TOM1L1: variants seen among roughly 807,000 people sequenced by gnomAD.
The protein encoded by TOM1L1 is TOM1-like protein 1.
A neutral mutation model predicts 63.4 loss-of-function variants in TOM1L1; 64 were observed. That is an observed-to-expected ratio of 1.01 (90% CI 0.83 to 1.24). The LOEUF is 1.24. Ranked by LOEUF, TOM1L1 falls within the 50% of genes most tolerant of loss-of-function variation. TOM1L1 has a pLI of 0.00. For synonymous variants in TOM1L1, 166 were observed against 194.4 expected (o/e 0.85, Z 1.22); for missense variants, 536 against 567.0 (o/e 0.95, Z 0.55).
chr17:54,945,484 T>C (rs993696290), intron 11 of TOM1L1, among the ~76,000 whole-genome samples: 1 of 152,222 alleles, frequency 6.6e-6, no homozygotes, highest in Non-Finnish European at 1.5e-5. Context: ...GCTCTCCTGC[T>C]GGAACCCTGA....
At chr17:54,960,032 G>A (rs2077074222) in intron 14 of TOM1L1, among the ~76,000 whole-genome samples, 1 of 152,018 alleles carries the variant, frequency 6.6e-6, no homozygotes, top group Non-Finnish European at 1.5e-5. Flanking sequence ...AAAATTAATT[G>A]GTTCTATGAA....
intron 11 of TOM1L1, among the ~76,000 whole-genome samples, chr17:54,942,931 A>G (rs1319733397): frequency 1.3e-5 from 2 of 152,194 alleles, no homozygotes; most frequent in Non-Finnish European, 1.5e-5. Flanking sequence ...GAATTATACA[A>G]TATATCATCT....
At chr17:54,938,663 C>T in intron 10 of TOM1L1, 2 of 338,952 alleles carry the variant, frequency 5.9e-6, no homozygotes, top group Non-Finnish European at 5.3e-6. Context: ...TATTTGTTAC[C>T]CTTACAACAA....
intron 3 of TOM1L1, among the ~76,000 whole-genome samples, chr17:54,910,297 A>T (rs535940808): frequency 2.6e-5 from 4 of 152,282 alleles, no homozygotes; most frequent in Non-Finnish European, 4.4e-5. Flanking sequence ...GTCTACTAAA[A>T]ATACAAAAAT....
chr17:54,951,578 A>G (rs1348761720), intron 14 of TOM1L1, among the ~76,000 whole-genome samples: 1 of 152,242 alleles, frequency 6.6e-6, no homozygotes, highest in African/African-American at 2.4e-5. Context: ...ACCCAACATT[A>G]TAACAAAAGA....
chr17:54,905,608 C>A, intron 3 of TOM1L1, 41 bp downstream of exon 3: 1 of 1,264,904 alleles, frequency 7.9e-7, no homozygotes, highest in Non-Finnish European at 1.1e-6. Flanking sequence ...GAGGATTTCT[C>A]AAGCTATAGT....
chr17:54,932,524 A>C (rs1421667542), intron 8 of TOM1L1, among the ~76,000 whole-genome samples: 1 of 152,066 alleles, frequency 6.6e-6, no homozygotes, highest in Non-Finnish European at 1.5e-5. Flanking sequence ...TATGAGGAGT[A>C]GTCTCCTCCC....
At chr17:54,906,330 G>C (rs192520159) in intron 3 of TOM1L1, among the ~76,000 whole-genome samples, 1 of 152,200 alleles carries the variant, frequency 6.6e-6, no homozygotes, top group East Asian at 1.9e-4. Context: ...GTAGCAGGGC[G>C]TGGTGGCGTG....
chr17:54,940,122 C>T (rs917042595), intron 11 of TOM1L1, among the ~76,000 whole-genome samples: 12 of 152,240 alleles, frequency 7.9e-5, no homozygotes, highest in Middle Eastern at 6.8e-3. Context: ...TCTCAAACAC[C>T]TGGGCTCAAG....
intron 14 of TOM1L1, 42 bp from the exon 15 acceptor site, chr17:54,960,524 A>G (rs1037164983): frequency 5.9e-5 from 92 of 1,550,820 alleles, no homozygotes; most frequent in Non-Finnish European, 7.9e-5. Flanking sequence ...TAGCACTTTG[A>G]AATTGATACA....
intron 3 of TOM1L1, among the ~76,000 whole-genome samples, chr17:54,906,406 T>C (rs142669615): frequency 1.1e-4 from 16 of 151,678 alleles, no homozygotes; most frequent in Non-Finnish European, 2.1e-4. Flanking sequence ...GAGGTGGAGA[T>C]TGCGGTGAGT....
intron 13 of TOM1L1, 88 bp from the exon 14 acceptor site, chr17:54,949,957 T>A (rs958821844): frequency 9.5e-7 from 1 of 1,051,818 alleles, no homozygotes; most frequent in African/African-American, 1.6e-5. Context: ...GGATCTAATA[T>A]TTGAAGTCTA....
chr17:54,946,860 G>A (rs954347482), intron 11 of TOM1L1, among the ~76,000 whole-genome samples: 8 of 152,242 alleles, frequency 5.3e-5, no homozygotes, highest in Non-Finnish European at 1.0e-4. Context: ...TATGCATTCC[G>A]TCCACCTTTA....
chr17:54,933,635 G>A (rs1429458869), intron 8 of TOM1L1, among the ~76,000 whole-genome samples: 1 of 152,162 alleles, frequency 6.6e-6, no homozygotes, highest in Non-Finnish European at 1.5e-5. Context: ...TGATTCTCCT[G>A]CCTCAGCCTC....
intron 3 of TOM1L1, among the ~76,000 whole-genome samples, chr17:54,910,838 G>A (rs1293352867): frequency 1.3e-5 from 2 of 152,090 alleles, no homozygotes; most frequent in African/African-American, 4.8e-5. Context: ...AAACTATAGC[G>A]TTTTAAGTAT....
At chr17:54,906,509 A>C (rs2048413216) in intron 3 of TOM1L1, among the ~76,000 whole-genome samples, 1 of 151,742 alleles carries the variant, frequency 6.6e-6, no homozygotes, top group Non-Finnish European at 1.5e-5. Context: ...TGCATGTATT[A>C]ATTAACCATA....
chr17:54,949,378 TA>T, intron 12 of TOM1L1, 139 bp from the exon 13 acceptor site: 1 of 613,794 alleles, frequency 1.6e-6, no homozygotes, highest in Non-Finnish European at 2.8e-6. Context: ...CTAAAAAAAC[TA>T]AAGTAATAAT....
At chr17:54,944,255 G>A (rs1049152279) in intron 11 of TOM1L1, among the ~76,000 whole-genome samples, 19 of 151,426 alleles carry the variant, frequency 1.3e-4, no homozygotes, top group African/African-American at 3.6e-4. Flanking sequence ...TGAGACCAGC[G>A]TGGCCAAAAT....
intron 3 of TOM1L1, among the ~76,000 whole-genome samples, chr17:54,911,446 T>C (rs990543412): frequency 6.6e-6 from 1 of 152,148 alleles, no homozygotes; most frequent in African/African-American, 2.4e-5. Context: ...GCTAAACACC[T>C]ACTTAAATGC....
Sources: gnomAD v4.1 joint callset for allele counts (sites outside exome capture counted in the v4.1 genomes callset) on GRCh38, gnomAD v4.1.1 for gene constraint, MANE v1.5 for transcripts, NCBI Gene and HGNC (gene_info 2026-07-23, HGNC 2026-07-21) for gene names.